Variants in EVC observed in about 807,000 individuals in gnomAD.
The protein encoded by EVC is evC complex member EVC.
Under a neutral mutation model 118.9 loss-of-function variants are expected in EVC, and 116 were observed. That is an observed-to-expected ratio of 0.98 (90% CI 0.84 to 1.14). EVC has a LOEUF of 1.14. Ranked by LOEUF, EVC falls within the 50% of genes most tolerant of loss-of-function variation. EVC has a pLI of 0.00. For synonymous variants in EVC, 619 were observed against 534.7 expected (o/e 1.16, Z -2.18); for missense variants, 1,401 against 1,246.4 (o/e 1.12, Z -1.87).
rs1446547358 is a variant in EVC at position 5,798,724 on chromosome 4, C to T, written c.2236C>T (p.Gln746Ter). 13 of 1,610,818 alleles carry T rather than the reference C, an allele frequency of 8.1e-6. No individual in the cohort carries two copies. The highest frequency in any genetic ancestry group is 9.3e-6 in the Non-Finnish European group (11 of 1,179,892). ...LQQHMECAIG[Q>*]ALLVHARNAA... is the part of the protein sequence containing the mutation. ...GCAGCACATGGAGTGCGCCATTGGG[C>T]AGGCGCTGCTGGTGCATGCACGGAA... Residue 746 changes from glutamine to a stop codon, truncating the protein, a stop_gained, in exon 15 of 21, where the codon CAG (glutamine) becomes TAG (stop). Transcript: ENST00000264956. LOFTEE classifies it high-confidence loss of function. This position sits in a 1 kb window ranked among gnomAD's most constrained non-coding sequence, Gnocchi z 4.1.
the EVC span, chr4:5,824,149 A>G: frequency 4.9e-5 from 12 of 243,474 alleles, no homozygotes; most frequent in East Asian, 1.8e-4. Context: ...TTTAATTGCA[A>G]TTGTGCAGTG....
Position 5,752,847 on chromosome 4 carries a change from G to A in EVC, c.1110G>A (p.Glu370=). The A allele has an allele frequency of 6.2e-7, 1 of 1,614,232 alleles. No homozygotes were observed. Among genetic ancestry groups the A allele is most frequent in the Non-Finnish European group, 8.5e-7 (1 of 1,180,026 alleles). ...GTTTCTTTTTGCAGGACGCCCTGGA[G>A]AGGACGATGGGGCGGGCGCACATGG... ...SQELQALDAL[E]RTMGRAHMAK... The change falls in exon 9 of 21, where the codon GAG becomes GAA. Residue 370 remains glutamate (E), a synonymous_variant. Coordinates refer to ENST00000264956, the MANE Select transcript of EVC (RefSeq NM_153717.3).
chr4:5,826,535 T>G, the EVC span: 1 of 151,776 alleles, frequency 6.6e-6, no homozygotes, highest in Non-Finnish European at 1.5e-5. Flanking sequence ...GGGAAAGGGT[T>G]GTGGGGGCAG....
chr4:5,811,293 T>C lies in EVC; in HGVS notation c.*256T>C, dbSNP rs1716875132. On this transcript the variant is annotated 3_prime_UTR_variant, in exon 21 of 21. Transcript: ENST00000264956. ...CATTTGGCTTGGAGCCCTGGCTCGA[T>C]GCCTCATGGATCTTTCTCCCCAAGG... 1 of 467,522 alleles carries C rather than the reference T, an allele frequency of 2.1e-6. No individual in the cohort carries two copies. The highest frequency in any genetic ancestry group is 3.9e-6 in the Non-Finnish European group (1 of 253,918). The allele number at this position is 467,522 out of a possible 1,614,324, so 29.0% of individuals were successfully genotyped here. A position where few individuals can be genotyped will look rare whatever the true frequency, so the allele number is the denominator to read the frequency against.
chr4:5,786,688 A>T (rs1433841958), intron 12 of EVC, among the ~76,000 whole-genome samples: 1 of 152,178 alleles, frequency 6.6e-6, no homozygotes, highest in African/African-American at 2.4e-5. Flanking sequence ...CCTGGCTAAC[A>T]TGGTGAAACC....
At chr4:5,778,172 CATTT>C (rs1424685592) in intron 11 of EVC, among the ~76,000 whole-genome samples, 1 of 151,472 alleles carries the variant, frequency 6.6e-6, no homozygotes, top group Non-Finnish European at 1.5e-5. Context: ...ATGAACTCAT[CATTT>C]TTTATGGCTG....
intron 11 of EVC, among the ~76,000 whole-genome samples, chr4:5,761,965 A>G (rs1732104259): frequency 6.6e-6 from 1 of 151,174 alleles, no homozygotes; most frequent in Non-Finnish European, 1.5e-5. Context: ...GGTTAGTTAC[A>G]TATGTATACC....
chr4:5,729,635 C>T (rs1726466529), intron 3 of EVC, among the ~76,000 whole-genome samples: 1 of 152,126 alleles, frequency 6.6e-6, no homozygotes, highest in Admixed American at 6.5e-5. Flanking sequence ...GGACAGCTCC[C>T]TCTCTGCCTT....
chr4:5,711,496 G>A lies in EVC; in HGVS notation c.116G>A (p.Gly39Asp). Residue 39 changes from glycine (G) to aspartate (D), a missense_variant, in exon 1 of 21, where the codon GGC (glycine) becomes GAC (aspartate). Physicochemically the swap from Gly to Asp is moderately conservative, Grantham distance 94. Transcript: ENST00000264956. Reference sequence around the variant, plus strand: ...GCCGTGCTGCTGGGCGCCGCGCTCGGCCTCGGCCTCGGCCTTTGGCTTGGC... The same window carrying A: ...GCCGTGCTGCTGGGCGCCGCGCTCGACCTCGGCCTCGGCCTTTGGCTTGGC... ...APAVLLGAAL[G>D]LGLGLWLGCR... The A allele has an allele frequency of 8.8e-7, 1 of 1,134,948 alleles. No individual in the cohort carries two copies. The allele number at this position is 1,134,948 out of a possible 1,614,324, so 70.3% of individuals were successfully genotyped here.
At chr4:5,819,569 G>A in the EVC span, among the ~76,000 whole-genome samples, 2 of 152,156 alleles carry the variant, frequency 1.3e-5, no homozygotes, top group Admixed American at 1.3e-4. Context: ...CCATGACCTG[G>A]GAGTCAGGCA....
chr4:5,801,543 G>A (rs748764973), intron 15 of EVC, among the ~76,000 whole-genome samples: 2 of 152,134 alleles, frequency 1.3e-5, no homozygotes, highest in South Asian at 4.1e-4. Context: ...AGCCAGGCCT[G>A]GTGGTGCTTG....
In EVC at chr4:5,802,091, C is replaced by T. The variant is rs374752679; in HGVS notation, c.2446C>T (p.Gln816Ter). 1.2e-6 allele frequency: 2 copies of T among 1,602,172 alleles called. No individual in the cohort carries two copies. Among genetic ancestry groups the T allele is most frequent in the Non-Finnish European group, 1.7e-6 (2 of 1,174,526 alleles). Residue 816 changes from glutamine to a stop codon, truncating the protein, a stop_gained, in exon 16 of 21, where the codon CAG becomes TAG. Coordinates refer to ENST00000264956, the MANE Select transcript of EVC (RefSeq NM_153717.3). LOFTEE classifies it high-confidence loss of function. ...ERKLQHLKTL[Q>*]GERMENYKLR... ...AAAACTGCAGCACCTGAAGACCCTG[C>T]AGGGTACGGGACCCCCCCTCAGGGA...
At chr4:5,727,258 T>G (rs1344291967) in intron 2 of EVC, among the ~76,000 whole-genome samples, 6 of 152,106 alleles carry the variant, frequency 3.9e-5, no homozygotes, top group South Asian at 4.1e-4. Flanking sequence ...TTTAATGATC[T>G]CCATTCTAAC....
intron 5 of EVC, 140 bp downstream of exon 5, chr4:5,733,575 G>A (rs1727192464): frequency 3.7e-6 from 3 of 813,146 alleles, no homozygotes; most frequent in Middle Eastern, 3.5e-4. Flanking sequence ...GGGGAAAGCG[G>A]CGCTGTCAGG....
chr4:5,745,365 G>A, intron 7 of EVC, 24 bp downstream of exon 7: 1 of 1,607,216 alleles, frequency 6.2e-7, no homozygotes, highest in South Asian at 1.1e-5. Context: ...TTTCTTTCCT[G>A]TACACAAATT....
chr4:5,721,539 A>G (rs906694736), intron 2 of EVC, among the ~76,000 whole-genome samples: 1 of 147,880 alleles, frequency 6.8e-6, no homozygotes, highest in Admixed American at 7.0e-5. Context: ...GTGAAAGAGG[A>G]CAGGGTTTCT....
chr4:5,798,178 T>C lies in EVC; in HGVS notation c.2098-408T>C, dbSNP rs1714324453. 6.6e-6 allele frequency among the ~76,000 whole-genome samples: 1 copy of C among 152,214 alleles called. No homozygotes were observed. The highest frequency in any genetic ancestry group is 1.5e-5 in the Non-Finnish European group (1 of 68,036). The stretch of plus-strand genomic sequence containing the variant: ...GCCCTGTGTGCCCTGCCTCAGCTTC[T>C]GTGATATCCTGAGACTCACATCTGG... On this transcript the variant is annotated intron_variant, in intron 14 of 20. Transcript: ENST00000264956. The surrounding 1 kb of genome is among the most constrained non-coding windows in gnomAD (Gnocchi z 4.1).
At chr4:5,716,573 C>T (rs977511952) in intron 1 of EVC, among the ~76,000 whole-genome samples, 7 of 152,112 alleles carry the variant, frequency 4.6e-5, no homozygotes, top group Admixed American at 3.3e-4. Context: ...AGAGTGGATC[C>T]ATTGGATGGG....
At chr4:5,744,372 C>A (rs745963045) in intron 6 of EVC, among the ~76,000 whole-genome samples, 9 of 152,154 alleles carry the variant, frequency 5.9e-5, no homozygotes, top group Non-Finnish European at 1.0e-4. Flanking sequence ...TCCTAGTGAA[C>A]CTTGACCCAT....
Sources: gnomAD v4.1 joint callset for allele counts (sites outside exome capture counted in the v4.1 genomes callset) on GRCh38, gnomAD v4.1.1 for gene constraint, Gnocchi (gnomAD v3.1) non-coding constraint, MANE v1.5 for transcripts, NCBI Gene and HGNC (gene_info 2026-07-23, HGNC 2026-07-21) for gene names.